CFDP1: variants seen among roughly 807,000 people sequenced by gnomAD.
CFDP1 encodes the protein chromatin remodeling protein CFDP1, also known as heterochromatin-stabilizing protein CFDP1.
CFDP1 carries 31 observed loss-of-function variants against 40.1 expected under a neutral mutation model. The ratio of observed to expected loss-of-function variants is 0.77; its 90% CI spans 0.58 to 1.04. The LOEUF (loss-of-function observed/expected upper bound fraction) is 1.04, where lower values mean the gene tolerates loss of function less well. CFDP1 is among the 50% of genes least tolerant of loss of function. The pLI is 0.00. For synonymous variants in CFDP1, 167 were observed against 120.0 expected (o/e 1.39, Z -2.56); for missense variants, 423 against 343.4 (o/e 1.23, Z -1.83).
chr16:75,369,761 AT>A, intron 5 of CFDP1, among the ~76,000 whole-genome samples: 1 of 152,112 alleles, frequency 6.6e-6, no homozygotes, highest in South Asian at 2.1e-4. Context: ...TACTGTATTT[AT>A]TTGTTTATGA....
chr16:75,399,783 G>A (rs2079032595), intron 4 of CFDP1, among the ~76,000 whole-genome samples: 1 of 152,098 alleles, frequency 6.6e-6, no homozygotes, highest in Non-Finnish European at 1.5e-5. Flanking sequence ...TGGGCAACAT[G>A]GCAAGACCCT....
At chr16:75,309,326 G>A (rs2078278169) in intron 5 of CFDP1, among the ~76,000 whole-genome samples, 1 of 152,264 alleles carries the variant, frequency 6.6e-6, no homozygotes, top group Admixed American at 6.5e-5. Context: ...AGCCGAGGCG[G>A]GAGAGAATCA....
chr16:75,319,454 G>T (rs563185978), intron 5 of CFDP1, among the ~76,000 whole-genome samples: 16 of 152,248 alleles, frequency 1.1e-4, no homozygotes, highest in African/African-American at 3.9e-4. Context: ...GGGTTGGGGG[G>T]GAACGTGCTT....
chr16:75,335,846 G>A (rs1258283401), intron 5 of CFDP1, among the ~76,000 whole-genome samples: 3 of 152,036 alleles, frequency 2.0e-5, no homozygotes, highest in African/African-American at 4.8e-5. Context: ...GTGAGCCACC[G>A]CGCCTGACCA....
At chr16:75,321,000 G>C (rs371268993) in intron 5 of CFDP1, among the ~76,000 whole-genome samples, 1 of 152,084 alleles carries the variant, frequency 6.6e-6, no homozygotes, top group Non-Finnish European at 1.5e-5. Context: ...TAAGAGATGG[G>C]ATCTTGCTGG....
intron 5 of CFDP1, among the ~76,000 whole-genome samples, chr16:75,366,176 A>G (rs762383355): frequency 1.3e-5 from 2 of 152,242 alleles, no homozygotes; most frequent in African/African-American, 4.8e-5. Flanking sequence ...TGGTATAGCT[A>G]TAAAGTACAA....
intron 5 of CFDP1, among the ~76,000 whole-genome samples, chr16:75,387,000 C>T (rs1380463732): frequency 6.6e-6 from 1 of 152,212 alleles, no homozygotes; most frequent in Non-Finnish European, 1.5e-5. Flanking sequence ...AATTTCTAAT[C>T]TATTTACTCT....
Position 75,324,800 on chromosome 16 carries a change from G to T in CFDP1, c.651-19618C>A, listed in dbSNP as rs899386507. Reference sequence around the variant, plus strand: ...GAAAGATTAGTGGAGCTGGGACTCAGAAGTTGCTTGTTCTTTTTTCGAGGC... The same window carrying T: ...GAAAGATTAGTGGAGCTGGGACTCATAAGTTGCTTGTTCTTTTTTCGAGGC... On this transcript the variant is annotated intron_variant, in intron 5 of 6. Coordinates refer to ENST00000283882, the MANE Select transcript of CFDP1 (RefSeq NM_006324.3). 2.0e-5 allele frequency: 3 copies of T among 151,688 alleles called. No individual in the cohort carries two copies. In the South Asian group the frequency reaches 6.3e-4, roughly 32 times the overall value. The allele number at this position is 151,688 out of a possible 1,614,324, so 9.4% of individuals were successfully genotyped here.
rs202202039 is a variant in CFDP1 at position 75,412,686 on chromosome 16, C to T, written c.251G>A (p.Gly84Glu). Residue 84 changes from glycine (G) to glutamate (E), a missense_variant, in exon 3 of 7, where the codon GGA becomes GAA. Gly to Glu is a moderately conservative substitution (Grantham distance 98, BLOSUM62 -2). Transcript: ENST00000283882. ...EEEDANSESE[G>E]SSSEEEDDAA... is the part of the protein sequence containing the mutation. ...GTCATCTTCCTCCTCACTACTGCTT[C>T]CCTCAGATTCTGAATTGGCATCCTC... The T allele has an allele frequency of 3.7e-5, 60 of 1,613,990 alleles. No homozygotes were observed. The highest frequency in any genetic ancestry group is 1.3e-5 in the African/African-American group (1 of 74,910).
At chr16:75,402,068 T>C (rs1346709117) in intron 4 of CFDP1, among the ~76,000 whole-genome samples, 1 of 152,216 alleles carries the variant, frequency 6.6e-6, no homozygotes, top group African/African-American at 2.4e-5. Flanking sequence ...TCAGGAACTT[T>C]AGTAATTGAC....
intron 4 of CFDP1, among the ~76,000 whole-genome samples, chr16:75,410,075 A>G (rs1254777834): frequency 6.7e-6 from 1 of 150,116 alleles, no homozygotes; most frequent in East Asian, 1.9e-4. Context: ...AAAAAAAAAA[A>G]AAAAAAAAAA....
At chr16:75,349,655 A>G (rs1308199102) in intron 5 of CFDP1, among the ~76,000 whole-genome samples, 1 of 8,732 alleles carries the variant, frequency 1.1e-4, no homozygotes, top group African/African-American at 7.4e-4. Flanking sequence ...CGTCTCAAAA[A>G]AAAAAAAAAA....
At chr16:75,328,720 C>T (rs1213021422) in intron 5 of CFDP1, among the ~76,000 whole-genome samples, 4 of 150,904 alleles carry the variant, frequency 2.7e-5, no homozygotes, top group Non-Finnish European at 5.9e-5. Flanking sequence ...ACTCTGTCAC[C>T]CAGGCTGGAG....
chr16:75,299,865 G>A (rs140401000), intron 6 of CFDP1, among the ~76,000 whole-genome samples: 1 of 152,252 alleles, frequency 6.6e-6, no homozygotes, highest in Admixed American at 6.5e-5. Flanking sequence ...TTCCTTGGGT[G>A]GGGGTACTCT....
At chr16:75,325,456 C>A (rs1252246528) in intron 5 of CFDP1, among the ~76,000 whole-genome samples, 6 of 152,232 alleles carry the variant, frequency 3.9e-5, no homozygotes, top group African/African-American at 9.6e-5. Context: ...TTTAATACTG[C>A]AAGCTTCCTC....
chr16:75,391,137 T>C (rs1486553394), intron 5 of CFDP1: 2 of 152,234 alleles, frequency 1.3e-5, no homozygotes, highest in South Asian at 2.1e-4. Flanking sequence ...TTCATAATTA[T>C]AGTAGCAAAG....
chr16:75,343,063 A>G (rs116717385), intron 5 of CFDP1, among the ~76,000 whole-genome samples: 106 of 152,236 alleles, frequency 7.0e-4, no homozygotes, highest in African/African-American at 2.0e-3. Context: ...GAAGAAAACA[A>G]CTAGATTTAA....
chr16:75,414,752 G>C (rs548630859), intron 1 of CFDP1, 57 bp from the exon 2 acceptor site: 55 of 1,179,110 alleles, frequency 4.7e-5, no homozygotes, highest in Middle Eastern at 2.0e-4. Context: ...ATCAAGATGA[G>C]ACATTTTCAT....
chr16:75,314,048 C>T (rs1200046844), intron 5 of CFDP1, among the ~76,000 whole-genome samples: 2 of 152,120 alleles, frequency 1.3e-5, no homozygotes, highest in Admixed American at 1.3e-4. Context: ...CCATGCCTGG[C>T]TAATTTTTGC....
Sources: gnomAD v4.1 joint callset for allele counts (sites outside exome capture counted in the v4.1 genomes callset) on GRCh38, gnomAD v4.1.1 for gene constraint, MANE v1.5 for transcripts, NCBI Gene and HGNC (gene_info 2026-07-23, HGNC 2026-07-21) for gene names.